The following CAPRIN1 variants were observed in gnomAD, a reference collection of about 807,000 sequenced individuals.
CAPRIN1 encodes the protein cell cycle associated protein 1, also known as caprin-1.
Under a neutral mutation model 100.9 loss-of-function variants are expected in CAPRIN1, and 29 were observed. The observed-to-expected ratio is 0.29, with a 90% confidence interval of 0.21 to 0.39. CAPRIN1 has a LOEUF of 0.39. Among genes scored for constraint, CAPRIN1 ranks in the 10% least tolerant of loss-of-function variants. CAPRIN1 has a pLI of 1.00. For missense variants in CAPRIN1, 795 were observed against 876.7 expected, an observed-to-expected ratio of 0.91 and a Z score of 1.18; for synonymous variants, 338 against 307.5, an observed-to-expected ratio of 1.10 and a Z score of -1.04.
chr11:34,058,548 T>TA (rs1164179299), intron 2 of CAPRIN1, among the ~76,000 whole-genome samples: 2 of 152,248 alleles, frequency 1.3e-5, no homozygotes, highest in Non-Finnish European at 2.9e-5. Context: ...TTCAAATCCT[T>TA]AGAGTTTTTC....
Position 34,076,314 on chromosome 11 carries a change from G to A in CAPRIN1, c.445G>A (p.Val149Ile). ...AGCTGAACAGAAACGTTTAAAAACT[G>A]TACTTGAGCTACAGTATGTTTTGGA... ...EEAEQKRLKT[V>I]LELQYVLDKL... The change falls in exon 5 of 19, where the codon GTA becomes ATA. Residue 149 changes from valine (V) to isoleucine (I), a missense_variant. Physicochemically the swap from Val to Ile is conservative, Grantham distance 29. This residue lies in a region of CAPRIN1 where 648 missense variants were observed against 697.9 expected (regional missense o/e 0.93). Transcript: ENST00000341394. 1 of 1,614,198 alleles carries A rather than the reference G, an allele frequency of 6.2e-7. No individual in the cohort carries two copies. The highest frequency in any genetic ancestry group is 8.5e-7 in the Non-Finnish European group (1 of 1,180,012).
intron 18 of CAPRIN1, chr11:34,098,729 G>A (rs1851407870): frequency 1.2e-5 from 12 of 985,288 alleles, no homozygotes; most frequent in Non-Finnish European, 1.4e-5. Flanking sequence ...TAGCATATTC[G>A]ATGAAAGTTG....
chr11:34,078,888 A>C (rs1850957230), intron 6 of CAPRIN1, among the ~76,000 whole-genome samples: 1 of 152,200 alleles, frequency 6.6e-6, no homozygotes. Context: ...AGTCCATTGT[A>C]GTTCTGTGTA....
At position 34,090,800 on chromosome 11, in the gene CAPRIN1, G is replaced by A. The variant is rs183129738; in HGVS notation, c.1554+122G>A. The A allele has an allele frequency of 8.4e-5, 65 of 773,552 alleles. No homozygotes were observed. The Admixed American group carries it at 1.4e-3, about 17-fold the overall frequency. 47.9% of individuals were successfully genotyped at this position (773,552 alleles called of 1,614,324 possible). Reference sequence around the variant, plus strand: ...GTCTGCATCTTTCATTAACTGTAGGGTATATTTAATTGAACATAAACTGAT... The same window carrying A: ...GTCTGCATCTTTCATTAACTGTAGGATATATTTAATTGAACATAAACTGAT... On this transcript the variant is annotated intron_variant, in intron 14 of 18. Transcript: ENST00000341394.
At chr11:34,083,143 A>C (rs1851066259) in intron 9 of CAPRIN1, 102 bp downstream of exon 9, 1 of 764,376 alleles carries the variant, frequency 1.3e-6, no homozygotes, top group Admixed American at 2.2e-5. Flanking sequence ...TTATTAGTAC[A>C]TTTATTATAA....
At chr11:34,056,663 C>T (rs1279426062) in intron 2 of CAPRIN1, 1 of 152,020 alleles carries the variant, frequency 6.6e-6, no homozygotes, top group South Asian at 2.1e-4. Context: ...TATTTCAAAA[C>T]CAAGTCTTAA....
intron 2 of CAPRIN1, among the ~76,000 whole-genome samples, chr11:34,066,872 T>A (rs1022385613): frequency 6.6e-6 from 1 of 150,556 alleles, no homozygotes; most frequent in Admixed American, 6.6e-5. Context: ...GACCTTGTGA[T>A]CCACCCGCCT....
intron 15 of CAPRIN1, among the ~76,000 whole-genome samples, chr11:34,093,720 C>T (rs1027120768): frequency 3.9e-5 from 6 of 151,986 alleles, no homozygotes; most frequent in Non-Finnish European, 7.4e-5. Flanking sequence ...TCACTGTAAC[C>T]TCTGCTTCTG....
intron 6 of CAPRIN1, among the ~76,000 whole-genome samples, chr11:34,078,227 A>G (rs1253335257): frequency 1.4e-4 from 21 of 152,216 alleles, no homozygotes; most frequent in Admixed American, 1.4e-3. Context: ...AAAACATATG[A>G]AGTGTTCATT....
At chr11:34,078,991 A>G (rs965493917) in intron 6 of CAPRIN1, among the ~76,000 whole-genome samples, 1 of 149,648 alleles carries the variant, frequency 6.7e-6, no homozygotes, top group African/African-American at 2.5e-5. Context: ...GTGTCTTTAC[A>G]TAACTTTTTG....
At chr11:34,081,555 A>G (rs1851029402) in intron 7 of CAPRIN1, among the ~76,000 whole-genome samples, 1 of 150,586 alleles carries the variant, frequency 6.6e-6, no homozygotes, top group Non-Finnish European at 1.5e-5. Context: ...GTGTAGTCGC[A>G]TGATCTTGGC....
chr11:34,058,638 A>G lies in CAPRIN1; in HGVS notation c.216+6002A>G, dbSNP rs559174829. Among the ~76,000 whole-genome samples the G allele has an allele frequency of 1.7e-3, 266 of 152,260 alleles. 1 individual carries two copies. Among genetic ancestry groups the G allele is most frequent in the Middle Eastern group, 0.014 (4 of 294 alleles). ...ACTTTTATTAATGTCTCATTGTTGA[A>G]CTTTGTGTTTGCATTGTCCGGGTAA... On this transcript the variant is annotated intron_variant, in intron 2 of 18. Transcript: ENST00000341394.
chr11:34,099,691 G>C lies in CAPRIN1; in HGVS notation c.*324G>C, dbSNP rs940534292. The C allele has an allele frequency of 2.9e-5, 7 of 243,822 alleles. No homozygotes were observed. The highest frequency in any genetic ancestry group is 1.3e-4 in the African/African-American group (6 of 44,790). 15.1% of individuals were successfully genotyped at this position (243,822 alleles called of 1,614,324 possible). ...TCTCCATAGTTATTTGAAGTGGCTT[G>C]AAAAAGGCAAGATTGACTTTTATGA... On this transcript the variant is annotated 3_prime_UTR_variant, in exon 19 of 19. Coordinates refer to ENST00000341394, the MANE Select transcript of CAPRIN1 (RefSeq NM_005898.5).
intron 1 of CAPRIN1, 191 bp from the exon 2 acceptor site, chr11:34,052,230 C>A (rs1055455097): frequency 4.2e-5 from 8 of 192,726 alleles, no homozygotes; most frequent in Non-Finnish European, 7.3e-5. Flanking sequence ...CAGCCGGGCG[C>A]CCCGCTGGCG....
At chr11:34,083,265 A>G (rs578240023) in intron 9 of CAPRIN1, among the ~76,000 whole-genome samples, 1 of 152,218 alleles carries the variant, frequency 6.6e-6, no homozygotes, top group African/African-American at 2.4e-5. Flanking sequence ...TATTTTATAC[A>G]AAGTTATCTG....
intron 18 of CAPRIN1, chr11:34,097,990 A>G: frequency 8.2e-7 from 1 of 1,221,174 alleles, no homozygotes; most frequent in Non-Finnish European, 1.0e-6. Context: ...ACTAGAACAT[A>G]TTCTCTTCTC....
rs1851459487 is a variant in CAPRIN1, at chr11:34,101,854, CAT to C, written c.*2488_*2489del. 1.3e-5 allele frequency among the ~76,000 whole-genome samples: 2 copies of C among 152,136 alleles called. No individual in the cohort carries two copies. The highest frequency in any genetic ancestry group is 2.1e-4 in the South Asian group (1 of 4,824). On this transcript the variant is annotated 3_prime_UTR_variant, in exon 19 of 19. Transcript: ENST00000341394. Reference sequence around the variant, plus strand: ...GAGTTTCAAGGAAATGATTGTCACACATGTCACTGTAGCCTCTTGGTGTAGCA... The same window carrying C: ...GAGTTTCAAGGAAATGATTGTCACACGTCACTGTAGCCTCTTGGTGTAGCA...
At chr11:34,052,904 T>C in intron 2 of CAPRIN1, 5 of 1,315,924 alleles carry the variant, frequency 3.8e-6, no homozygotes, top group Non-Finnish European at 4.8e-6. Flanking sequence ...TGGGTCCGGC[T>C]TTTTGGCCTT....
In CAPRIN1 at chr11:34,076,400, A is replaced by G. The variant is rs1252528544; in HGVS notation, c.531A>G (p.Ile177Met). 12 of 1,614,230 alleles carry G rather than the reference A, an allele frequency of 7.4e-6. No homozygotes were observed. Among genetic ancestry groups the G allele is most frequent in the South Asian group, 1.1e-5 (1 of 91,092 alleles). The change falls in exon 5 of 19, where the codon ATA (isoleucine) becomes ATG (methionine). Residue 177 changes from isoleucine to methionine, a missense_variant. Coordinates refer to ENST00000341394, the MANE Select transcript of CAPRIN1 (RefSeq NM_005898.5). ...DLKQGLNGVPILSEEELSLLD... is the reference protein window; with the variant it reads ...DLKQGLNGVPMLSEEELSLLD... ...AACAAGGTTTGAATGGAGTGCCAAT[A>G]TTGTCCGAAGAGGAGTTGTCATTGT...
Sources: allele counts gnomAD v4.1 joint callset (sites outside exome capture counted in the v4.1 genomes callset), GRCh38; gene constraint gnomAD v4.1.1; regional missense constraint gnomAD v4.1.1; transcripts MANE v1.5; gene names NCBI Gene and HGNC (gene_info 2026-07-23, HGNC 2026-07-21).